The following FSTL4 variants were observed in gnomAD, a reference collection of about 807,000 sequenced individuals.
The protein encoded by FSTL4 is follistatin-related protein 4.
Under a neutral mutation model 78.2 loss-of-function variants are expected in FSTL4, and 28 were observed. The observed-to-expected ratio is 0.36, with a 90% CI of 0.27 to 0.49. The LOEUF (loss-of-function observed/expected upper bound fraction) is 0.49, where lower values mean the gene tolerates loss of function less well. Among genes scored for constraint, FSTL4 ranks in the 20% least tolerant of loss-of-function variants. The pLI is 0.98. For missense variants in FSTL4, 922 were observed against 1,084.9 expected (o/e 0.85, Z 2.11); for synonymous variants, 422 against 440.5 (o/e 0.96, Z 0.53).
Position 133,199,742 on chromosome 5 carries a change from T to C in FSTL4, c.1882A>G (p.Thr628Ala), listed in dbSNP as rs1224195318. 7 of 1,599,146 alleles carry C rather than the reference T, an allele frequency of 4.4e-6. No homozygotes were observed. Among genetic ancestry groups the C allele is most frequent in the Middle Eastern group, 1.7e-4 (1 of 6,040 alleles). ...DPAVHKVDLE[T>A]MMPLKTIGLH... ...CCGATGGTCTTGAGGGGCATCATTG[T>C]TTCCAGGTCCACCTTGTGGACTGCA... The change falls in exon 16 of 16, where the codon ACA becomes GCA. Residue 628 changes from threonine (T) to alanine (A), a missense_variant. Transcript: ENST00000265342. This position sits in a 1 kb window ranked among gnomAD's most constrained non-coding sequence, Gnocchi z 4.4.
intron 3 of FSTL4, among the ~76,000 whole-genome samples, chr5:133,460,550 G>A (rs911624019): frequency 3.9e-5 from 6 of 152,258 alleles, no homozygotes; most frequent in South Asian, 2.1e-4. Flanking sequence ...CCTAATAGTC[G>A]CAAGCCTCAT....
At chr5:133,772,877 G>A in the FSTL4 span, among the ~76,000 whole-genome samples, 495 of 152,138 alleles carry the variant, frequency 3.3e-3, 1 homozygote, top group Non-Finnish European at 5.5e-3. Context: ...TAGCACCAAC[G>A]AATGTCATAA....
chr5:133,362,128 C>A (rs75305809), intron 4 of FSTL4, among the ~76,000 whole-genome samples: 2 of 152,184 alleles, frequency 1.3e-5, no homozygotes, highest in Admixed American at 6.5e-5. Flanking sequence ...AGTGTTGTGG[C>A]ATATGAGTTG....
chr5:133,376,888 C>CAAAA (rs56667792), intron 4 of FSTL4, among the ~76,000 whole-genome samples: 3 of 127,764 alleles, frequency 2.3e-5, no homozygotes, highest in African/African-American at 3.0e-5. Flanking sequence ...GAGTCTGTCT[C>CAAAA]AAAAAAAAAA....
chr5:133,752,049 C>T, the FSTL4 span, among the ~76,000 whole-genome samples: 1 of 152,182 alleles, frequency 6.6e-6, no homozygotes, highest in East Asian at 1.9e-4. Context: ...CCCTTCCAGG[C>T]ACACTGGAGA....
the FSTL4 span, among the ~76,000 whole-genome samples, chr5:133,619,706 G>T: frequency 6.6e-6 from 1 of 152,092 alleles, no homozygotes; most frequent in Non-Finnish European, 1.5e-5. Context: ...AAAACAGTGG[G>T]CATATAACAA....
At chr5:133,713,604 C>A in the FSTL4 span, among the ~76,000 whole-genome samples, 1 of 152,160 alleles carries the variant, frequency 6.6e-6, no homozygotes, top group African/African-American at 2.4e-5. Context: ...TTTGGAGGAT[C>A]CTTCCATCTT....
At chr5:133,757,184 G>A in the FSTL4 span, among the ~76,000 whole-genome samples, 2 of 152,122 alleles carry the variant, frequency 1.3e-5, no homozygotes, top group South Asian at 2.1e-4. Context: ...AGCTTCATAT[G>A]TAACTTCATA....
At chr5:133,490,939 A>ACTT (rs1758254134) in intron 3 of FSTL4, among the ~76,000 whole-genome samples, 3 of 152,244 alleles carry the variant, frequency 2.0e-5, no homozygotes, top group Non-Finnish European at 4.4e-5. Context: ...AATAGACACC[A>ACTT]GAGCCTACTT....
chr5:133,790,964 C>G, the FSTL4 span, among the ~76,000 whole-genome samples: 1 of 152,156 alleles, frequency 6.6e-6, no homozygotes, highest in African/African-American at 2.4e-5. Context: ...ACAGAAGCCC[C>G]CATCTCACTG....
intron 2 of FSTL4, among the ~76,000 whole-genome samples, chr5:133,581,368 T>C (rs1178695505): frequency 6.6e-6 from 1 of 152,204 alleles, no homozygotes; most frequent in Non-Finnish European, 1.5e-5. Flanking sequence ...TGAACTTCAG[T>C]TTCCTCGTCT....
chr5:133,283,683 A>G (rs1290150316), intron 6 of FSTL4, among the ~76,000 whole-genome samples: 1 of 152,186 alleles, frequency 6.6e-6, no homozygotes, highest in Non-Finnish European at 1.5e-5. Context: ...CATAGAAACC[A>G]TTATGAGGAA....
chr5:133,634,397 T>A, the FSTL4 span, among the ~76,000 whole-genome samples: 30 of 152,068 alleles, frequency 2.0e-4, no homozygotes, highest in African/African-American at 7.2e-4. Flanking sequence ...TCTCTCTTTT[T>A]TTTTTTCCTC....
the FSTL4 span, among the ~76,000 whole-genome samples, chr5:133,664,840 A>G: frequency 6.6e-6 from 1 of 152,190 alleles, no homozygotes; most frequent in African/African-American, 2.4e-5. Flanking sequence ...TCAAACATAG[A>G]TGAAAAATGA....
intron 2 of FSTL4, among the ~76,000 whole-genome samples, chr5:133,594,783 G>A (rs1371242494): frequency 6.6e-6 from 1 of 152,224 alleles, no homozygotes; most frequent in African/African-American, 2.4e-5. Context: ...AGGCCAGAAA[G>A]AGAAATAAAT....
Position 133,225,248 on chromosome 5 carries a change from T to C in FSTL4, c.1214A>G (p.Tyr405Cys). 6.2e-7 allele frequency: 1 copy of C among 1,614,200 alleles called. No individual in the cohort carries two copies. Among genetic ancestry groups the C allele is most frequent in the Non-Finnish European group, 8.5e-7 (1 of 1,180,016 alleles). The change falls in exon 10 of 16, where the codon TAT (tyrosine) becomes TGT (cysteine). Residue 405 changes from tyrosine (Y) to cysteine (C), a missense_variant. Transcript: ENST00000265342. This position sits in a 1 kb window ranked among gnomAD's most constrained non-coding sequence, Gnocchi z 4.6. ...GCAGGTGTATGCCCCTGTGTCTTCA[T>C]ACCGAACACTGCTGATGTGGAGTTC... is the stretch of plus-strand genomic sequence containing the variant. The part of the protein sequence containing the change: ...GSELHISSVR[Y>C]EDTGAYTCIA...
At chr5:133,499,419 G>A (rs1340689421) in intron 3 of FSTL4, among the ~76,000 whole-genome samples, 2 of 127,762 alleles carry the variant, frequency 1.6e-5, no homozygotes, top group African/African-American at 2.6e-5. Flanking sequence ...CACACACAGA[G>A]TGTGTGAGTG....
intron 4 of FSTL4, among the ~76,000 whole-genome samples, chr5:133,358,253 T>C (rs576699995): frequency 6.6e-6 from 1 of 152,298 alleles, no homozygotes; most frequent in South Asian, 2.1e-4. Flanking sequence ...CCCTGTGCCA[T>C]GTAAGGGGAC....
chr5:133,388,112 A>G (rs1310576015), intron 4 of FSTL4: 1 of 152,232 alleles, frequency 6.6e-6, no homozygotes, highest in Non-Finnish European at 1.5e-5. Context: ...TACCCTTTGC[A>G]ATTTTTGGTA....
Sources: gnomAD v4.1 joint callset for allele counts (sites outside exome capture counted in the v4.1 genomes callset) on GRCh38, gnomAD v4.1.1 for gene constraint, Gnocchi (gnomAD v3.1) non-coding constraint, MANE v1.5 for transcripts, NCBI Gene and HGNC (gene_info 2026-07-23, HGNC 2026-07-21) for gene names.